Variants in PTPRH observed in about 807,000 individuals in gnomAD.
PTPRH encodes receptor-type tyrosine-protein phosphatase H.
PTPRH carries 113 observed loss-of-function variants against 130.2 expected under a neutral mutation model. The ratio of observed to expected loss-of-function variants is 0.87; its 90% CI spans 0.75 to 1.01. The LOEUF (loss-of-function observed/expected upper bound fraction) is 1.01. Among genes scored for constraint, PTPRH ranks in the 50% least tolerant of loss-of-function variants. PTPRH has a pLI of 0.00. For synonymous variants in PTPRH, 556 were observed against 577.9 expected (o/e 0.96, Z 0.54); for missense variants, 1,430 against 1,425.0 (o/e 1.00, Z -0.06).
chr19:55,184,210 G>C (rs2086255732), intron 18 of PTPRH, among the ~76,000 whole-genome samples: 2 of 152,002 alleles, frequency 1.3e-5, no homozygotes, highest in Non-Finnish European at 2.9e-5. Flanking sequence ...CTTGAACCCA[G>C]GAGGCAGAGG....
rs2086166895 is a variant in PTPRH, at chr19:55,181,368, T to C, written c.*386A>G. 1.0e-5 allele frequency: 2 copies of C among 192,144 alleles called. No individual in the cohort carries two copies. Among genetic ancestry groups the C allele is most frequent in the South Asian group, 2.4e-4 (2 of 8,336 alleles). 11.9% of individuals were successfully genotyped at this position (192,144 alleles called of 1,614,324 possible). On this transcript the variant is annotated 3_prime_UTR_variant, in exon 20 of 20. Coordinates refer to ENST00000376350, the MANE Select transcript of PTPRH (RefSeq NM_002842.5). ...CGACCCCAGATTATAGAAGACTGATTTGGTTTCTGAAGTAAAATCAAGGCA... is the reference window on the plus strand; with the variant it reads ...CGACCCCAGATTATAGAAGACTGATCTGGTTTCTGAAGTAAAATCAAGGCA...
chr19:55,190,639 A>AT (rs1045440948), intron 12 of PTPRH, among the ~76,000 whole-genome samples: 3 of 134,448 alleles, frequency 2.2e-5, no homozygotes, highest in Admixed American at 8.1e-5. Context: ...TATATATATA[A>AT]TTTTTTTTTG....
intron 6 of PTPRH, among the ~76,000 whole-genome samples, chr19:55,201,728 T>C (rs753331257): frequency 2.0e-5 from 3 of 152,164 alleles, no homozygotes; most frequent in Non-Finnish European, 4.4e-5. Flanking sequence ...GGTCAGAGTG[T>C]CCCCACTCAC....
At chr19:55,206,495 T>TG in intron 3 of PTPRH, among the ~76,000 whole-genome samples, 194 bp downstream of exon 3, 1 of 151,552 alleles carries the variant, frequency 6.6e-6, no homozygotes, top group African/African-American at 2.4e-5. Flanking sequence ...ACTTTTTAAT[T>TG]TTTTTGTAGA....
chr19:55,188,807 C>T (rs547825610), intron 12 of PTPRH, among the ~76,000 whole-genome samples: 58 of 152,290 alleles, frequency 3.8e-4, no homozygotes, highest in African/African-American at 1.3e-3. Context: ...CCGGAACACC[C>T]AGCCCTGGCT....
intron 18 of PTPRH, among the ~76,000 whole-genome samples, chr19:55,183,010 G>T (rs1480624140): frequency 1.3e-5 from 2 of 151,100 alleles, no homozygotes; most frequent in Non-Finnish European, 3.0e-5. Context: ...TGCCCAGGCT[G>T]GTCTCAAACT....
chr19:55,203,469 G>T (rs141963523), intron 5 of PTPRH, among the ~76,000 whole-genome samples: 4 of 150,460 alleles, frequency 2.7e-5, no homozygotes, highest in Non-Finnish European at 5.9e-5. Context: ...AGGCTGGAGT[G>T]CAGCAGTCCA....
At chr19:55,203,518 C>A (rs145724788) in intron 5 of PTPRH, among the ~76,000 whole-genome samples, 81 of 151,392 alleles carry the variant, frequency 5.4e-4, no homozygotes, top group African/African-American at 1.8e-3. Flanking sequence ...CGGGCTCAAG[C>A]GATCCTCTCA....
chr19:55,188,938 C>T (rs1192352737), intron 12 of PTPRH, among the ~76,000 whole-genome samples: 2 of 152,184 alleles, frequency 1.3e-5, no homozygotes, highest in African/African-American at 4.8e-5. Flanking sequence ...TTGCTGGACG[C>T]ACACTTCTTA....
At position 55,182,105 on chromosome 19, in the gene PTPRH, G is replaced by C. The variant is rs779888290; in HGVS notation, c.3109C>G (p.Leu1037Val). ...AGACCCTCGGACTGCAGCTGCCGGA[G>C]CAGGACGTCCAGGGCAATGAGGGTT... ...TGTLIALDVL[L>V]RQLQSEGLLG... Residue 1037 changes from leucine (L) to valine (V), a missense_variant, in exon 19 of 20, where the codon CTC (leucine) becomes GTC (valine). Physicochemically the swap from Leu to Val is conservative, Grantham distance 32. Transcript: ENST00000376350. The C allele has an allele frequency of 6.2e-7, 1 of 1,614,126 alleles. No individual in the cohort carries two copies. The highest frequency in any genetic ancestry group is 8.5e-7 in the Non-Finnish European group (1 of 1,180,034).
At chr19:55,198,983 C>A in intron 7 of PTPRH, 71 bp from the exon 8 acceptor site, 1 of 1,370,414 alleles carries the variant, frequency 7.3e-7, no homozygotes. Context: ...AGTGATACGC[C>A]CTGTCCTTGT....
chr19:55,185,130 G>C (rs1344527265), intron 18 of PTPRH, among the ~76,000 whole-genome samples: 2 of 151,918 alleles, frequency 1.3e-5, no homozygotes, highest in Admixed American at 1.3e-4. Flanking sequence ...GAGTAGCTGG[G>C]ATTACAGGTG....
At position 55,198,875 on chromosome 19, in the gene PTPRH, C is replaced by T; in HGVS notation, c.1458G>A (p.Trp486Ter). ...AGCGCAAAGCAATGGTGCTGTTGGT[C>T]CAGTCCTGCTTGCTGAGGCTTGTCA... is the stretch of plus-strand genomic sequence containing the variant. ...NAVTSLSKQDWTNSTIALRWT... is the reference protein window; with the variant it reads ...NAVTSLSKQD Residue 486 changes from tryptophan to a stop codon, truncating the protein, a stop_gained, in exon 8 of 20, where the codon TGG becomes TGA. Transcript: ENST00000376350. LOFTEE classifies it high-confidence loss of function. 6.5e-7 allele frequency: 1 copy of T among 1,543,266 alleles called. No individual in the cohort carries two copies. Among genetic ancestry groups the T allele is most frequent in the South Asian group, 1.3e-5 (1 of 79,554 alleles).
In PTPRH at chr19:55,185,597, A is replaced by G. The variant is rs1345692872; in HGVS notation, c.2967T>C (p.Val989=). The change falls in exon 18 of 20, where the codon GTT becomes GTC. Residue 989 remains valine (V), a synonymous_variant. Transcript: ENST00000376350. ...CCAGCAAGGTGTCTGGGGAGGAGGG[A>G]ACGCCGTGATCCGGCCAGGCCTGGT... ...FHYQAWPDHG[V]PSSPDTLLAF... is the part of the protein sequence containing the mutation. 1.2e-6 allele frequency: 2 copies of G among 1,614,178 alleles called. No individual in the cohort carries two copies. The highest frequency in any genetic ancestry group is 2.2e-5 in the South Asian group (2 of 91,078).
At chr19:55,194,172 C>T in intron 10 of PTPRH, 3 of 1,288,982 alleles carry the variant, frequency 2.3e-6, no homozygotes, top group Non-Finnish European at 3.0e-6. Flanking sequence ...TCTATGGGTG[C>T]TCTCAGGCTC....
chr19:55,203,637 G>A (rs2086943782), intron 5 of PTPRH, 145 bp downstream of exon 5: 2 of 977,442 alleles, frequency 2.0e-6, no homozygotes, highest in East Asian at 2.7e-5. Flanking sequence ...TTTTTATGTG[G>A]CTGATAGAAA....
At chr19:55,207,063 C>G (rs922127068) in intron 2 of PTPRH, 103 bp downstream of exon 2, 3 of 1,573,922 alleles carry the variant, frequency 1.9e-6, no homozygotes, top group Admixed American at 1.8e-5. Flanking sequence ...CTCATAAACC[C>G]CTACCATGGA....
At chr19:55,181,934 C>G in intron 19 of PTPRH, 31 bp from the exon 20 acceptor site, 1 of 1,613,850 alleles carries the variant, frequency 6.2e-7, no homozygotes, top group Non-Finnish European at 8.5e-7. Context: ...TGAGAGGCGT[C>G]CCCCCAGGTC....
Position 55,205,607 on chromosome 19 carries a change from A to G in PTPRH, c.353-15T>C, listed in dbSNP as rs1395400730. ...TGGGTTGGGAGCTGAAAACCAGCAC[A>G]GGAGGGAAAATCAGTTGTAGTTTCT... On this transcript the variant is annotated splice_polypyrimidine_tract_variant and intron_variant, in intron 3 of 19. Transcript: ENST00000376350. 1.2e-6 allele frequency: 2 copies of G among 1,613,220 alleles called. No homozygotes were observed. The highest frequency in any genetic ancestry group is 8.5e-7 in the Non-Finnish European group (1 of 1,179,456).
Sources: allele counts gnomAD v4.1 joint callset (sites outside exome capture counted in the v4.1 genomes callset), GRCh38; gene constraint gnomAD v4.1.1; transcripts MANE v1.5; gene names NCBI Gene and HGNC (gene_info 2026-07-23, HGNC 2026-07-21).